The following ZNF480 variants were observed in gnomAD, a reference collection of about 807,000 sequenced individuals.
ZNF480 encodes zinc finger protein 480.
In ZNF480, 15 loss-of-function variants were observed where a neutral mutation model predicts 14.4. The observed-to-expected ratio is 1.04, with a 90% confidence interval of 0.70 to 1.60. The LOEUF is 1.60. ZNF480 is among the 40% of genes most tolerant of loss of function. The pLI is 0.00. For synonymous variants in ZNF480, 218 were observed against 215.5 expected, an observed-to-expected ratio of 1.01 and a Z score of -0.10; for missense variants, 593 against 629.7, an observed-to-expected ratio of 0.94 and a Z score of 0.62.
At chr19:52,300,638 C>A in intron 2 of ZNF480, 154 bp downstream of exon 2, 1 of 1,311,102 alleles carries the variant, frequency 7.6e-7, no homozygotes, top group South Asian at 1.3e-5. Context: ...CCAGCTTGGT[C>A]GTGGGGACCC....
At position 52,323,805 on chromosome 19, in the gene ZNF480, C is replaced by T. The variant is rs1983962338; in HGVS notation, c.*947C>T. ...AATTACACATTGAGGGAACATACTT[C>T]AATAAGAACCATCTATGCTGGACTC... On this transcript the variant is annotated 3_prime_UTR_variant, in exon 5 of 5. Coordinates refer to ENST00000595962, the MANE Select transcript of ZNF480 (RefSeq NM_144684.4). 1 of 152,078 alleles carries T rather than the reference C, an allele frequency of 6.6e-6. No individual in the cohort carries two copies. Among genetic ancestry groups the T allele is most frequent in the African/African-American group, 2.4e-5 (1 of 41,430 alleles). 9.4% of individuals were successfully genotyped at this position (152,078 alleles called of 1,614,324 possible). A position where few individuals can be genotyped will look rare whatever the true frequency, so the allele number is the denominator to read the frequency against.
At chr19:52,313,164 C>T (rs1253317472) in intron 2 of ZNF480, among the ~76,000 whole-genome samples, 5 of 139,206 alleles carry the variant, frequency 3.6e-5, no homozygotes, top group African/African-American at 1.1e-4. Context: ...GAGATGAAGT[C>T]TCACTCTTTT....
Position 52,321,988 on chromosome 19 carries a change from T to C in ZNF480, c.738T>C (p.Leu246=). Residue 246 remains leucine (L), a synonymous_variant, in exon 5 of 5, where the codon CTT becomes CTC. Transcript: ENST00000595962. Reference sequence around the variant, plus strand: ...AGGTCTTTAGTCGCAATTCACACCTTGCAGAACATTGTAGAATTCATACTG... The same window carrying C: ...AGGTCTTTAGTCGCAATTCACACCTCGCAGAACATTGTAGAATTCATACTG... The part of the protein sequence containing the change: ...CGKVFSRNSH[L]AEHCRIHTGE... The C allele has an allele frequency of 6.2e-7, 1 of 1,612,434 alleles. No individual in the cohort carries two copies. Among genetic ancestry groups the C allele is most frequent in the Non-Finnish European group, 8.5e-7 (1 of 1,178,632 alleles).
At chr19:52,321,523 C>A in intron 4 of ZNF480, 56 bp from the exon 5 acceptor site, 2 of 1,447,856 alleles carry the variant, frequency 1.4e-6, no homozygotes, top group Non-Finnish European at 1.9e-6. Context: ...TTTCATCAGA[C>A]TCTAAACATG....
chr19:52,318,888 G>T (rs1195599876), intron 4 of ZNF480, among the ~76,000 whole-genome samples: 3 of 151,864 alleles, frequency 2.0e-5, no homozygotes, highest in African/African-American at 7.3e-5. Flanking sequence ...TGGGGGGATG[G>T]ATTCTCGCTC....
intron 1 of ZNF480, among the ~76,000 whole-genome samples, chr19:52,298,142 G>C (rs10425153): frequency 0.033 from 5,024 of 152,080 alleles, 284 homozygotes; most frequent in African/African-American, 0.11. Flanking sequence ...GGGGGAGAGG[G>C]GGAGGGATTT....
intron 2 of ZNF480, among the ~76,000 whole-genome samples, chr19:52,312,868 T>C (rs1175397478): frequency 6.6e-6 from 1 of 152,178 alleles, no homozygotes; most frequent in Admixed American, 6.5e-5. Flanking sequence ...TAGCCCAGGC[T>C]GTAGTGCAGT....
rs1422329580 is a variant in ZNF480 at position 52,321,866 on chromosome 19, A to G, written c.616A>G (p.Asn206Asp). The change falls in exon 5 of 5, where the codon AAT (asparagine) becomes GAT (aspartate). Residue 206 changes from asparagine to aspartate, a missense_variant. Coordinates refer to ENST00000595962, the MANE Select transcript of ZNF480 (RefSeq NM_144684.4). ...VHLREKPYECNEHSKVFRVSS... is the reference protein window; with the variant it reads ...VHLREKPYECDEHSKVFRVSS... ...CCTTAGAGAAAAACCTTATGAATGT[A>G]ATGAGCATAGCAAAGTCTTTAGAGT... 1.2e-6 allele frequency: 2 copies of G among 1,614,044 alleles called. No individual in the cohort carries two copies. The highest frequency in any genetic ancestry group is 8.5e-7 in the Non-Finnish European group (1 of 1,180,028).
chr19:52,300,631 G>A (rs1218171987), intron 2 of ZNF480, 147 bp downstream of exon 2: 1 of 1,413,322 alleles, frequency 7.1e-7, no homozygotes, highest in Non-Finnish European at 9.7e-7. Context: ...GCCGAGACCA[G>A]CTTGGTCGTG....
chr19:52,320,358 A>C (rs1342622761), intron 4 of ZNF480, among the ~76,000 whole-genome samples: 1 of 152,132 alleles, frequency 6.6e-6, no homozygotes, highest in African/African-American at 2.4e-5. Flanking sequence ...AGTTGCTTTA[A>C]ATATTTGTCA....
At chr19:52,320,853 T>C (rs1057351716) in intron 4 of ZNF480, among the ~76,000 whole-genome samples, 7 of 152,072 alleles carry the variant, frequency 4.6e-5, no homozygotes, top group African/African-American at 1.7e-4. Context: ...GGTGCATGCC[T>C]GTAGACCCAG....
rs1324897046 is a variant in ZNF480, at chr19:52,322,135, C to A, written c.885C>A (p.Val295=). The change falls in exon 5 of 5, where the codon GTC becomes GTA. Residue 295 remains valine, a synonymous_variant. Transcript: ENST00000595962. ...KPYECNECGK[V]FSNNSYLARH... The stretch of plus-strand genomic sequence containing the variant: ...ATGAATGTAATGAATGTGGTAAAGT[C>A]TTCAGTAATAATTCTTACCTTGCAC... The A allele has an allele frequency of 6.2e-7, 1 of 1,613,836 alleles. No homozygotes were observed. The highest frequency in any genetic ancestry group is 1.7e-5 in the Admixed American group (1 of 60,000).
At chr19:52,318,864 T>C (rs1384768595) in intron 4 of ZNF480, among the ~76,000 whole-genome samples, 2 of 152,066 alleles carry the variant, frequency 1.3e-5, no homozygotes, top group Non-Finnish European at 2.9e-5. Flanking sequence ...CTTGCTTTTT[T>C]TTTCATTTTT....
At chr19:52,311,344 A>T (rs1192697239) in intron 2 of ZNF480, among the ~76,000 whole-genome samples, 1 of 151,878 alleles carries the variant, frequency 6.6e-6, no homozygotes, top group Non-Finnish European at 1.5e-5. Context: ...ATATATAATC[A>T]TATTTTTTAT....
Position 52,324,003 on chromosome 19 carries a change from A to C in ZNF480, c.*1145A>C, listed in dbSNP as rs1983974496. 1 of 152,198 alleles carries C rather than the reference A, an allele frequency of 6.6e-6. No homozygotes were observed. Among genetic ancestry groups the C allele is most frequent in the Non-Finnish European group, 1.5e-5 (1 of 68,018 alleles). 9.4% of individuals were successfully genotyped at this position (152,198 alleles called of 1,614,324 possible). ...GGCATATATAAATAGGAAGAGGGGAAGTCAGTTTCTCTTGCAGAAGATATA... is the reference window on the plus strand; with the variant it reads ...GGCATATATAAATAGGAAGAGGGGACGTCAGTTTCTCTTGCAGAAGATATA... On this transcript the variant is annotated 3_prime_UTR_variant, in exon 5 of 5. Transcript: ENST00000595962.
intron 4 of ZNF480, among the ~76,000 whole-genome samples, chr19:52,318,961 T>TCAAGTGATTCTCCTGCCTC (rs1402027014): frequency 6.6e-6 from 1 of 152,116 alleles, no homozygotes; most frequent in Non-Finnish European, 1.5e-5. Context: ...CCTCCTGGGT[T>TCAAGTGATTCTCCTGCCTC]CAAGTGATTC....
chr19:52,317,376 ATTTG>A (rs1314815444), intron 4 of ZNF480: 3 of 149,194 alleles, frequency 2.0e-5, no homozygotes, highest in African/African-American at 7.4e-5. Context: ...TTTATTTTTC[ATTTG>A]TTTGTTTGAG....
chr19:52,324,800 T>G lies in ZNF480; in HGVS notation c.*1942T>G, dbSNP rs558853286. ...ATCAACTCAAGATGGATTAAAGACT[T>G]AAATATAAAACCTAAAAGTATTAAA... On this transcript the variant is annotated 3_prime_UTR_variant, in exon 5 of 5. Transcript: ENST00000595962. 9 of 152,236 alleles carry G rather than the reference T, an allele frequency of 5.9e-5. No homozygotes were observed. The South Asian group carries it at 1.9e-3, about 32-fold the overall frequency. The allele number at this position is 152,236 out of a possible 1,614,324, so 9.4% of individuals were successfully genotyped here.
rs1409404783 is a variant in ZNF480, at chr19:52,300,452, A to C, written c.40A>C (p.Lys14Gln). ...AAAAGCCCAGAAGAGAAGGAAGAGG[A>C]AAGCAAAGGAGTCAGGGATGGCTCT... ...DEKAQKRRKR[K>Q]AKESGMALPQ... Residue 14 changes from lysine to glutamine, a missense_variant, in exon 2 of 5, where the codon AAA (lysine) becomes CAA (glutamine). Transcript: ENST00000595962. 1.9e-6 allele frequency: 3 copies of C among 1,613,262 alleles called. No individual in the cohort carries two copies. Among genetic ancestry groups the C allele is most frequent in the Admixed American group, 1.7e-5 (1 of 59,984 alleles).
Sources: gnomAD v4.1 joint callset for allele counts (sites outside exome capture counted in the v4.1 genomes callset) on GRCh38, gnomAD v4.1.1 for gene constraint, MANE v1.5 for transcripts, NCBI Gene and HGNC (gene_info 2026-07-23, HGNC 2026-07-21) for gene names.